The following GTF2F2 variants were observed in gnomAD, a reference collection of about 807,000 sequenced individuals.
The protein encoded by GTF2F2 is general transcription factor IIF subunit 2.
GTF2F2 carries 23 observed loss-of-function variants against 42.2 expected under a neutral mutation model. The observed-to-expected ratio is 0.55, with a 90% CI of 0.39 to 0.77. The LOEUF (loss-of-function observed/expected upper bound fraction) is 0.77. Among genes scored for constraint, GTF2F2 ranks in the 30% least tolerant of loss-of-function variants. GTF2F2 has a pLI of 0.00. For synonymous variants in GTF2F2, 105 were observed against 100.8 expected, an observed-to-expected ratio of 1.04 and a Z score of -0.25; for missense variants, 261 against 287.2, an observed-to-expected ratio of 0.91 and a Z score of 0.66.
Position 45,164,734 on chromosome 13 carries a change from A to G in GTF2F2, c.304+12903A>G, listed in dbSNP as rs1735000146. On this transcript the variant is annotated intron_variant, in intron 4 of 7. Coordinates refer to ENST00000340473, the MANE Select transcript of GTF2F2 (RefSeq NM_004128.3). ...GAGTGAGACCCTGTCTGGAAAAAAA[A>G]AATAGTAGTTCCTTCTCCCTCAGCA... Among the ~76,000 whole-genome samples the G allele has an allele frequency of 3.3e-5, 5 of 152,302 alleles. 1 individual carries two copies. In the South Asian group the frequency reaches 1.0e-3, roughly 32 times the overall value.
chr13:45,150,738 T>A (rs1870451202), intron 3 of GTF2F2, among the ~76,000 whole-genome samples: 1 of 148,410 alleles, frequency 6.7e-6, no homozygotes, highest in Non-Finnish European at 1.5e-5. Flanking sequence ...GAGACAACGT[T>A]TTGTCATGTT....
At chr13:45,134,922 GTAC>G (rs1485632964) in intron 1 of GTF2F2, among the ~76,000 whole-genome samples, 1 of 151,590 alleles carries the variant, frequency 6.6e-6, no homozygotes, top group Non-Finnish European at 1.5e-5. Context: ...GTTTAGCATG[GTAC>G]CTGACTGGAC....
At chr13:45,259,799 A>G (rs900050120) in intron 6 of GTF2F2, among the ~76,000 whole-genome samples, 11 of 151,882 alleles carry the variant, frequency 7.2e-5, no homozygotes, top group African/African-American at 2.7e-4. Flanking sequence ...CTGGGACTAC[A>G]GGCGCCCGCC....
At chr13:45,266,381 G>C (rs1876561011) in intron 6 of GTF2F2, among the ~76,000 whole-genome samples, 1 of 152,166 alleles carries the variant, frequency 6.6e-6, no homozygotes, top group Admixed American at 6.5e-5. Context: ...TATGGGAAGA[G>C]AAACAGGTTC....
intron 5 of GTF2F2, 79 bp downstream of exon 5, chr13:45,207,584 A>C: frequency 2.8e-5 from 24 of 855,084 alleles, no homozygotes; most frequent in Admixed American, 2.0e-5. Flanking sequence ...TCGCCTATTG[A>C]CTGCATTAAA....
chr13:45,258,797 G>T (rs1323747965), intron 6 of GTF2F2, among the ~76,000 whole-genome samples: 1 of 152,052 alleles, frequency 6.6e-6, no homozygotes, highest in African/African-American at 2.4e-5. Context: ...TAGTACGTTT[G>T]TCCAGTTTAT....
At chr13:45,275,324 T>C (rs934265743) in intron 7 of GTF2F2, among the ~76,000 whole-genome samples, 1 of 152,078 alleles carries the variant, frequency 6.6e-6, no homozygotes, top group Non-Finnish European at 1.5e-5. Context: ...TTATTATTAT[T>C]TAAGTTCTAG....
chr13:45,134,213 C>T (rs907213556), intron 1 of GTF2F2, among the ~76,000 whole-genome samples: 4 of 152,130 alleles, frequency 2.6e-5, no homozygotes, highest in Non-Finnish European at 4.4e-5. Flanking sequence ...ACTACCCTTC[C>T]GCAAAGATGT....
intron 4 of GTF2F2, among the ~76,000 whole-genome samples, chr13:45,166,630 C>T (rs1214105869): frequency 6.6e-6 from 1 of 152,066 alleles, no homozygotes; most frequent in East Asian, 1.9e-4. Context: ...CTTGTCAATC[C>T]ACTATGACCA....
rs370034627 is a variant in GTF2F2 at position 45,154,183 on chromosome 13, CTTT to C, written c.304+2358_304+2360del. Among the ~76,000 whole-genome samples, 111 of 151,744 alleles carry C rather than the reference CTTT, an allele frequency of 7.3e-4. No individual in the cohort carries two copies. In the East Asian group the frequency reaches 0.018, roughly 24 times the overall value. ...AACGTTTGAGGTAGAGAAACTTGAA[CTTT>C]TTTTTGTAGAAAAAAGTACCCTATT... On this transcript the variant is annotated intron_variant, in intron 4 of 7. Coordinates refer to ENST00000340473, the MANE Select transcript of GTF2F2 (RefSeq NM_004128.3).
chr13:45,212,176 C>G (rs12855524), intron 5 of GTF2F2, among the ~76,000 whole-genome samples: 26 of 152,322 alleles, frequency 1.7e-4, no homozygotes, highest in Non-Finnish European at 3.1e-4. Flanking sequence ...CTGAGATATT[C>G]TATACCTAGA....
At chr13:45,279,132 T>G (rs1306823506) in intron 7 of GTF2F2, among the ~76,000 whole-genome samples, 1 of 152,118 alleles carries the variant, frequency 6.6e-6, no homozygotes, top group Non-Finnish European at 1.5e-5. Flanking sequence ...GTAATATGCC[T>G]TTTTCTTTGC....
At chr13:45,145,852 CA>C (rs1870167600) in intron 2 of GTF2F2, among the ~76,000 whole-genome samples, 1 of 152,174 alleles carries the variant, frequency 6.6e-6, no homozygotes, top group African/African-American at 2.4e-5. Flanking sequence ...TCACCCTGTT[CA>C]GGCTTTCATT....
At chr13:45,279,571 CA>C (rs1478862987) in intron 7 of GTF2F2, among the ~76,000 whole-genome samples, 1 of 152,194 alleles carries the variant, frequency 6.6e-6, no homozygotes, top group Non-Finnish European at 1.5e-5. Context: ...ATTCACTTTG[CA>C]TAAGTACACT....
At chr13:45,214,575 C>T (rs568649833) in intron 5 of GTF2F2, among the ~76,000 whole-genome samples, 1 of 152,288 alleles carries the variant, frequency 6.6e-6, no homozygotes, top group African/African-American at 2.4e-5. Context: ...TCTACTACTT[C>T]TCTTACTTTT....
chr13:45,194,192 C>T, intron 4 of GTF2F2: 2 of 1,614,136 alleles, frequency 1.2e-6, no homozygotes, highest in South Asian at 2.2e-5. Flanking sequence ...CTGGATTTCA[C>T]TTCCTCTGCC....
chr13:45,167,158 C>G (rs898642446), intron 4 of GTF2F2, among the ~76,000 whole-genome samples: 2 of 149,650 alleles, frequency 1.3e-5, no homozygotes, highest in Non-Finnish European at 3.0e-5. Context: ...CTTATACAGA[C>G]TGTATCATTA....
intron 4 of GTF2F2, among the ~76,000 whole-genome samples, chr13:45,191,224 A>AAATATATATAT: frequency 1.7e-4 from 13 of 75,310 alleles, no homozygotes; most frequent in African/African-American, 1.1e-3. Flanking sequence ...ACAAAAAAAA[A>AAATATATATAT]ATATATATAT....
chr13:45,188,558 G>A (rs912781541), intron 4 of GTF2F2, among the ~76,000 whole-genome samples: 7 of 152,160 alleles, frequency 4.6e-5, no homozygotes, highest in Non-Finnish European at 7.3e-5. Flanking sequence ...GTTCATGAAG[G>A]TGAAGTACTT....
Sources: allele counts gnomAD v4.1 joint callset (sites outside exome capture counted in the v4.1 genomes callset), GRCh38; gene constraint gnomAD v4.1.1; transcripts MANE v1.5; gene names NCBI Gene and HGNC (gene_info 2026-07-23, HGNC 2026-07-21).